KLHL32: variants seen among roughly 807,000 people sequenced by gnomAD.
KLHL32 encodes kelch-like protein 32.
A neutral mutation model predicts 64.8 loss-of-function variants in KLHL32; 35 were observed. The ratio of observed to expected loss-of-function variants is 0.54; its 90% CI spans 0.41 to 0.72. The LOEUF is 0.72. Ranked by LOEUF, KLHL32 falls within the 30% of genes least tolerant of loss-of-function variation. The pLI is 0.00. For synonymous variants in KLHL32, 259 were observed against 281.0 expected, an observed-to-expected ratio of 0.92 and a Z score of 0.78; for missense variants, 589 against 768.5, an observed-to-expected ratio of 0.77 and a Z score of 2.76.
Position 97,132,735 on chromosome 6 carries a change from G to A in KLHL32, c.1689G>A (p.Leu563=), listed in dbSNP as rs147541250. The change falls in exon 10 of 11, where the codon CTG becomes CTA. Residue 563 remains leucine (L), a synonymous_variant. Transcript: ENST00000369261. ...ATTCAATTTGGACAAATGAGCCTCT[G>A]GCTTGTATCCAGGTGAGTGGTAGAA... is the stretch of plus-strand genomic sequence containing the variant. ...GGYSIWTNEP[L]ACIQVLDVSR... is the part of the protein sequence containing the mutation. 30 of 1,611,308 alleles carry A rather than the reference G, an allele frequency of 1.9e-5. No individual in the cohort carries two copies. The highest frequency in any genetic ancestry group is 2.3e-5 in the Non-Finnish European group (27 of 1,178,376).
At chr6:97,080,892 G>C (rs1792393478) in intron 5 of KLHL32, among the ~76,000 whole-genome samples, 1 of 152,174 alleles carries the variant, frequency 6.6e-6, no homozygotes, top group Non-Finnish European at 1.5e-5. Context: ...GAGATGTGCT[G>C]TATAGGATAT....
At chr6:96,908,897 A>G in the KLHL32 span, among the ~76,000 whole-genome samples, 1 of 152,078 alleles carries the variant, frequency 6.6e-6, no homozygotes, top group African/African-American at 2.4e-5. Flanking sequence ...ACTTGTGCCT[A>G]TTTGAATTCT....
At chr6:97,033,508 A>G (rs1183824488) in intron 3 of KLHL32, among the ~76,000 whole-genome samples, 2 of 152,092 alleles carry the variant, frequency 1.3e-5, no homozygotes, top group Non-Finnish European at 1.5e-5. Context: ...CTATCACTTT[A>G]AGATACTAAT....
At chr6:96,994,535 T>C (rs1160059172) in intron 3 of KLHL32, 1 of 985,288 alleles carries the variant, frequency 1.0e-6, no homozygotes, top group East Asian at 1.1e-4. Flanking sequence ...GTAATTGTTG[T>C]TCTGATTCAG....
chr6:96,967,073 C>G lies in KLHL32; in HGVS notation c.13C>G (p.Arg5Gly), dbSNP rs35143662. Residue 5 changes from arginine to glycine, a missense_variant, in exon 2 of 11, where the codon CGC becomes GGC. Arg to Gly is a moderately radical substitution (Grantham distance 125, BLOSUM62 -2). Coordinates refer to ENST00000369261, the MANE Select transcript of KLHL32 (RefSeq NM_052904.4). Reference protein sequence around the residue: MPSERCLSIQEMLTG... With the variant: MPSEGCLSIQEMLTG... ...ACCCAGCTGGAAAATGCCGTCTGAA[C>G]GCTGCCTCAGGTATGCCCTGTAGGA... The G allele has an allele frequency of 6.2e-7, 1 of 1,613,636 alleles. No individual in the cohort carries two copies. The highest frequency in any genetic ancestry group is 1.1e-5 in the South Asian group (1 of 91,032).
At chr6:96,921,791 T>C (rs1768762698), upstream of KLHL32, among the ~76,000 whole-genome samples, 1 of 152,198 alleles carries the variant, frequency 6.6e-6, no homozygotes. Context: ...CCAGAGCTGT[T>C]AGAATACAGA....
chr6:96,905,817 C>T, the KLHL32 span, among the ~76,000 whole-genome samples: 3 of 152,140 alleles, frequency 2.0e-5, no homozygotes, highest in African/African-American at 4.8e-5. Flanking sequence ...TTCATTAACA[C>T]ATTATTGCAA....
chr6:96,984,018 G>A (rs1332489726), intron 3 of KLHL32, among the ~76,000 whole-genome samples: 1 of 152,138 alleles, frequency 6.6e-6, no homozygotes, highest in African/African-American at 2.4e-5. Context: ...TGGGCATTTA[G>A]TGGTATAAAT....
intron 1 of KLHL32, among the ~76,000 whole-genome samples, chr6:96,932,610 C>G (rs1770072439): frequency 7.1e-6 from 1 of 141,230 alleles, no homozygotes; most frequent in Non-Finnish European, 1.5e-5. Flanking sequence ...GCTCTGTCAC[C>G]CAGGCTGGAG....
chr6:97,130,676 C>G (rs1799342352), intron 8 of KLHL32, 81 bp from the exon 9 acceptor site: 1 of 1,046,682 alleles, frequency 9.6e-7, no homozygotes, highest in African/African-American at 1.6e-5. Flanking sequence ...TTAGGGTTCT[C>G]ACTACTTATG....
chr6:97,077,815 A>C (rs952189326), intron 5 of KLHL32, among the ~76,000 whole-genome samples: 3 of 152,162 alleles, frequency 2.0e-5, no homozygotes, highest in Admixed American at 6.5e-5. Context: ...TCCAACAAAT[A>C]CTTCTCTGTT....
chr6:96,979,160 C>T (rs190650230), intron 3 of KLHL32, among the ~76,000 whole-genome samples: 2 of 152,164 alleles, frequency 1.3e-5, no homozygotes, highest in East Asian at 1.9e-4. Flanking sequence ...TCCCATTTGT[C>T]AATTTTTGGT....
At chr6:97,039,157 T>C (rs1784742261) in intron 3 of KLHL32, among the ~76,000 whole-genome samples, 1 of 149,900 alleles carries the variant, frequency 6.7e-6, no homozygotes, top group Non-Finnish European at 1.5e-5. Flanking sequence ...AGTGAATGAA[T>C]GGACAAAGAA....
intron 5 of KLHL32, among the ~76,000 whole-genome samples, chr6:97,069,506 A>T (rs1001490822): frequency 1.3e-5 from 2 of 151,786 alleles, no homozygotes; most frequent in Non-Finnish European, 2.9e-5. Context: ...TCAGGGCTGA[A>T]GGTATCTGAG....
At chr6:97,126,476 TG>T (rs1798887690) in intron 7 of KLHL32, among the ~76,000 whole-genome samples, 1 of 152,086 alleles carries the variant, frequency 6.6e-6, no homozygotes, top group African/African-American at 2.4e-5. Context: ...GAAACTTAGC[TG>T]GAAGTGTGAT....
intron 7 of KLHL32, among the ~76,000 whole-genome samples, chr6:97,116,704 A>G (rs1797837656): frequency 6.6e-6 from 1 of 152,228 alleles, no homozygotes; most frequent in African/African-American, 2.4e-5. Context: ...AAGAAAGCAC[A>G]GAAGCTCCTC....
intron 4 of KLHL32, among the ~76,000 whole-genome samples, chr6:97,045,214 C>G (rs1053549448): frequency 5.9e-5 from 9 of 152,128 alleles, no homozygotes; most frequent in Non-Finnish European, 2.9e-5. Context: ...AAGATTAGCC[C>G]AGCCAAATTT....
chr6:97,084,245 AAGT>A (rs1322200633), intron 5 of KLHL32, among the ~76,000 whole-genome samples: 2 of 152,198 alleles, frequency 1.3e-5, no homozygotes, highest in Non-Finnish European at 2.9e-5. Context: ...AGTGAGGGGA[AAGT>A]AGGAAATAGC....
At chr6:96,980,041 T>C (rs1776130696) in intron 3 of KLHL32, among the ~76,000 whole-genome samples, 1 of 152,166 alleles carries the variant, frequency 6.6e-6, no homozygotes, top group Non-Finnish European at 1.5e-5. Flanking sequence ...AAGTTGTTTA[T>C]CAGATTTAGG....
Sources: allele counts gnomAD v4.1 joint callset (sites outside exome capture counted in the v4.1 genomes callset), GRCh38; gene constraint gnomAD v4.1.1; transcripts MANE v1.5; gene names NCBI Gene and HGNC (gene_info 2026-07-23, HGNC 2026-07-21).